PAPPA: variants seen among roughly 807,000 people sequenced by gnomAD.
PAPPA encodes pappalysin-1.
A neutral mutation model predicts 164.0 loss-of-function variants in PAPPA; 60 were observed. The observed-to-expected ratio is 0.37, with a 90% CI of 0.30 to 0.45. PAPPA has a LOEUF of 0.45. Among genes scored for constraint, PAPPA ranks in the 20% least tolerant of loss-of-function variants. The pLI, the probability that PAPPA is intolerant of heterozygous loss-of-function variation, is 1.00. For missense variants in PAPPA, 1,782 were observed against 2,087.3 expected, an observed-to-expected ratio of 0.85 and a Z score of 2.85; for synonymous variants, 875 against 814.1, an observed-to-expected ratio of 1.07 and a Z score of -1.27.
chr9:116,202,389 T>C (rs578215226), intron 2 of PAPPA, among the ~76,000 whole-genome samples: 2 of 152,288 alleles, frequency 1.3e-5, no homozygotes, highest in East Asian at 3.9e-4. Context: ...GAAAATATTC[T>C]AATGACAGTT....
intron 8 of PAPPA, among the ~76,000 whole-genome samples, chr9:116,269,489 G>A (rs938263691): frequency 8.5e-5 from 13 of 152,180 alleles, no homozygotes; most frequent in African/African-American, 3.1e-4. Flanking sequence ...CTTATAAGGG[G>A]CTCTCAAGTA....
intron 8 of PAPPA, among the ~76,000 whole-genome samples, chr9:116,269,340 T>C (rs767212592): frequency 6.6e-6 from 1 of 152,164 alleles, no homozygotes; most frequent in Non-Finnish European, 1.5e-5. Context: ...CATTGCATTG[T>C]TGTGTGATGT....
intron 18 of PAPPA, 125 bp from the exon 19 acceptor site, chr9:116,367,520 C>G (rs1212985095): frequency 1.5e-6 from 1 of 679,824 alleles, no homozygotes; most frequent in Non-Finnish European, 2.7e-6. Context: ...CTTCCCACTG[C>G]CTTCAGGTTG....
At position 116,399,022 on chromosome 9, in the gene PAPPA, C is replaced by T. The variant is rs1847008535; in HGVS notation, c.*2406C>T. On this transcript the variant is annotated 3_prime_UTR_variant, in exon 22 of 22. Coordinates refer to ENST00000328252, the MANE Select transcript of PAPPA (RefSeq NM_002581.5). ...AACCCTCCCAGTTGCTTAATTATAC[C>T]CATAGGTAATACAAAAAGCTCTGAA... The T allele has an allele frequency of 5.1e-6, 1 of 197,526 alleles. No individual in the cohort carries two copies. Among genetic ancestry groups the T allele is most frequent in the Non-Finnish European group, 1.0e-5 (1 of 96,190 alleles). 12.2% of individuals were successfully genotyped at this position (197,526 alleles called of 1,614,324 possible).
chr9:116,239,790 A>G (rs1844714755), intron 7 of PAPPA, among the ~76,000 whole-genome samples: 1 of 152,200 alleles, frequency 6.6e-6, no homozygotes, highest in South Asian at 2.1e-4. Context: ...ATGTAAAGGC[A>G]GAATTTTAGA....
intron 9 of PAPPA, chr9:116,285,931 T>C (rs1845333151): frequency 6.6e-6 from 1 of 152,256 alleles, no homozygotes; most frequent in Non-Finnish European, 1.5e-5. Flanking sequence ...CTTTCCCCCT[T>C]AGCTGTCATC....
At chr9:116,320,751 A>ATG (rs150150148) in intron 10 of PAPPA, among the ~76,000 whole-genome samples, 2 of 151,706 alleles carry the variant, frequency 1.3e-5, no homozygotes, top group African/African-American at 2.4e-5. Context: ...GTGTATGTGT[A>ATG]TGTGTGTGTG....
chr9:116,277,378 G>C (rs1046839265), intron 9 of PAPPA, among the ~76,000 whole-genome samples: 1 of 152,104 alleles, frequency 6.6e-6, no homozygotes, highest in Non-Finnish European at 1.5e-5. Flanking sequence ...TTAAGGTGAC[G>C]ACGAGGGTGA....
chr9:116,284,545 CTTTTTTTTTTTTTT>C (rs61248033), intron 9 of PAPPA, among the ~76,000 whole-genome samples: 3 of 88,268 alleles, frequency 3.4e-5, no homozygotes, highest in South Asian at 1.1e-3. Flanking sequence ...TAGTCTGGGC[CTTTTTTTTTTTTTT>C]TTTTTTTTTG....
chr9:116,334,837 C>A, intron 12 of PAPPA, 24 bp from the exon 13 acceptor site: 1 of 1,584,106 alleles, frequency 6.3e-7, no homozygotes, highest in Non-Finnish European at 8.7e-7. Context: ...CCTGGCCCCT[C>A]GGCCCCTCTG....
intron 15 of PAPPA, among the ~76,000 whole-genome samples, chr9:116,351,105 C>A (rs1846276458): frequency 6.6e-6 from 1 of 152,178 alleles, no homozygotes; most frequent in Non-Finnish European, 1.5e-5. Flanking sequence ...CACCTTCTGG[C>A]ACACTAAATA....
intron 14 of PAPPA, among the ~76,000 whole-genome samples, chr9:116,346,199 C>G (rs1442566411): frequency 6.6e-6 from 1 of 152,186 alleles, no homozygotes; most frequent in Non-Finnish European, 1.5e-5. Flanking sequence ...TAGCGGCTTC[C>G]TCCTTGAATG....
chr9:116,265,724 G>T, intron 7 of PAPPA, 133 bp from the exon 8 acceptor site: 1 of 653,526 alleles, frequency 1.5e-6, no homozygotes, highest in African/African-American at 1.8e-5. Flanking sequence ...GAAAGTATTG[G>T]ATAGCTAAAT....
At position 116,367,597 on chromosome 9, in the gene PAPPA, G is replaced by A. The variant is rs1846517941; in HGVS notation, c.4496-48G>A. The A allele has an allele frequency of 3.6e-6, 5 of 1,405,968 alleles. No individual in the cohort carries two copies. The African/African-American group carries it at 4.3e-5, about 12-fold the overall frequency. 87.1% of individuals were successfully genotyped at this position (1,405,968 alleles called of 1,614,324 possible). On this transcript the variant is annotated intron_variant, in intron 18 of 21. Coordinates refer to ENST00000328252, the MANE Select transcript of PAPPA (RefSeq NM_002581.5). ...CTCTGCAGGAGGGCAGTTTGCAGAT[G>A]TTGAGGGTCTCGGGCCTGAGCTGCG...
At chr9:116,177,088 T>C (rs1843846117) in intron 1 of PAPPA, among the ~76,000 whole-genome samples, 1 of 152,158 alleles carries the variant, frequency 6.6e-6, no homozygotes, top group Non-Finnish European at 1.5e-5. Context: ...TTCAATTCTG[T>C]CTCATTTCTC....
intron 7 of PAPPA, among the ~76,000 whole-genome samples, chr9:116,242,638 G>T (rs902382930): frequency 6.6e-6 from 1 of 152,162 alleles, no homozygotes; most frequent in Non-Finnish European, 1.5e-5. Context: ...GAGCATTCTC[G>T]TACAAACATC....
intron 10 of PAPPA, among the ~76,000 whole-genome samples, chr9:116,317,557 T>C (rs937514917): frequency 6.6e-6 from 1 of 152,222 alleles, no homozygotes; most frequent in Non-Finnish European, 1.5e-5. Flanking sequence ...TTATCTTCAG[T>C]GTCTAAATCT....
chr9:116,263,795 C>T (rs1009264611), intron 7 of PAPPA, among the ~76,000 whole-genome samples: 8 of 152,070 alleles, frequency 5.3e-5, no homozygotes, highest in East Asian at 1.9e-4. Flanking sequence ...GGAAGAGACG[C>T]GACGAGAGGA....
intron 10 of PAPPA, among the ~76,000 whole-genome samples, chr9:116,324,833 C>G (rs1479218534): frequency 6.6e-6 from 1 of 152,028 alleles, no homozygotes; most frequent in Non-Finnish European, 1.5e-5. Flanking sequence ...GAAGGAAGCA[C>G]CACTGTATAG....
Sources: allele counts gnomAD v4.1 joint callset (sites outside exome capture counted in the v4.1 genomes callset), GRCh38; gene constraint gnomAD v4.1.1; transcripts MANE v1.5; gene names NCBI Gene and HGNC (gene_info 2026-07-23, HGNC 2026-07-21).